Variants in CHD2 observed in about 807,000 individuals in gnomAD.
CHD2 encodes chromodomain helicase DNA binding protein 2, also known as ATP-dependent chromatin remodeler CHD2.
In CHD2, 28 loss-of-function variants were observed where a neutral mutation model predicts 243.9. The observed-to-expected ratio is 0.11, with a 90% CI of 0.09 to 0.16. The LOEUF (loss-of-function observed/expected upper bound fraction) is 0.16. Ranked by LOEUF, CHD2 falls within the 10% of genes least tolerant of loss-of-function variation. CHD2 has a pLI of 1.00. For synonymous variants in CHD2, 775 were observed against 779.0 expected, an observed-to-expected ratio of 0.99 and a Z score of 0.09; for missense variants, 1,386 against 2,209.8, an observed-to-expected ratio of 0.63 and a Z score of 7.47.
In CHD2 at chr15:93,022,925, C is replaced by T. The variant is rs1383782923; in HGVS notation, c.5154-1447C>T. Among the ~76,000 whole-genome samples, 2 of 152,166 alleles carry T rather than the reference C, an allele frequency of 1.3e-5. 1 individual carries two copies. Among genetic ancestry groups the T allele is most frequent in the African/African-American group, 4.8e-5 (2 of 41,434 alleles). ...AAACCACTGTTCTATGCATTTTGTC[C>T]CTTTTGGCTGTTTCAGGCAGGATGG... On this transcript the variant is annotated intron_variant, in intron 38 of 38. Coordinates refer to ENST00000394196, the MANE Select transcript of CHD2 (RefSeq NM_001271.4).
At chr15:92,962,760 GT>G (rs2141824612) in intron 16 of CHD2, among the ~76,000 whole-genome samples, 1 of 152,256 alleles carries the variant, frequency 6.6e-6, no homozygotes, top group South Asian at 2.1e-4. Context: ...TTTAACTGTA[GT>G]TGAGTTTTTG....
At chr15:92,901,330 C>G in intron 2 of CHD2, 31 bp downstream of exon 2, 3 of 1,422,658 alleles carry the variant, frequency 2.1e-6, no homozygotes, top group Non-Finnish European at 2.9e-6. Context: ...TCCTTTTTGT[C>G]TTTTTTTTTG....
intron 7 of CHD2, among the ~76,000 whole-genome samples, chr15:92,940,531 T>A (rs897952966): frequency 6.6e-6 from 1 of 151,992 alleles, no homozygotes; most frequent in African/African-American, 2.4e-5. Context: ...ATTTTTTTTT[T>A]TAGATTTTAC....
At chr15:92,936,134 GT>G (rs905010404) in intron 5 of CHD2, among the ~76,000 whole-genome samples, 1 of 152,066 alleles carries the variant, frequency 6.6e-6, no homozygotes, top group Non-Finnish European at 1.5e-5. Flanking sequence ...CTGAATTGTT[GT>G]TTTTTCCCCC....
At chr15:93,011,416 G>T (rs945482861) in intron 35 of CHD2, among the ~76,000 whole-genome samples, 2 of 152,192 alleles carry the variant, frequency 1.3e-5, no homozygotes, top group Admixed American at 1.3e-4. Context: ...GAGTTCTCAG[G>T]CTTCAGCAAA....
At chr15:92,984,633 G>A (rs1288760904) in intron 25 of CHD2, 133 bp downstream of exon 25, 2 of 751,162 alleles carry the variant, frequency 2.7e-6, no homozygotes, top group Non-Finnish European at 3.8e-6. Flanking sequence ...TGATACTGTA[G>A]GAAACTTAAC....
chr15:92,946,240 T>C (rs770180549), intron 12 of CHD2, 24 bp downstream of exon 12: 5 of 1,581,336 alleles, frequency 3.2e-6, no homozygotes, highest in Non-Finnish European at 4.3e-6. Flanking sequence ...TGGCTTTTGT[T>C]TTTTCAGGGA....
intron 16 of CHD2, among the ~76,000 whole-genome samples, chr15:92,964,182 G>A (rs991231115): frequency 4.6e-5 from 7 of 152,200 alleles, no homozygotes; most frequent in Non-Finnish European, 8.8e-5. Flanking sequence ...ATCAATTATG[G>A]AATGATAGGT....
In CHD2 at chr15:93,025,951, A is replaced by G. The variant is rs746047260; in HGVS notation, c.*1246A>G. On this transcript the variant is annotated 3_prime_UTR_variant, in exon 39 of 39. Transcript: ENST00000394196. ...TTGAATTCAGTTTCTCTTAGAATAT[A>G]ATCAGGTATAAACCTAAGTTAAACT... 2.0e-5 allele frequency: 3 copies of G among 152,578 alleles called. No individual in the cohort carries two copies. The highest frequency in any genetic ancestry group is 4.4e-5 in the Non-Finnish European group (3 of 68,048). 9.5% of individuals were successfully genotyped at this position (152,578 alleles called of 1,614,324 possible). A position where few individuals can be genotyped will look rare whatever the true frequency, so the allele number is the denominator to read the frequency against.
At chr15:92,918,635 C>T (rs1183865663) in intron 2 of CHD2, among the ~76,000 whole-genome samples, 1 of 151,940 alleles carries the variant, frequency 6.6e-6, no homozygotes, top group Non-Finnish European at 1.5e-5. Context: ...GGCTTTCTGC[C>T]TCCTCTACTA....
Position 92,977,026 on chromosome 15 carries a change from A to C in CHD2, c.2578-1208A>C, listed in dbSNP as rs557176111. ...TTTTTTAACCTTTTTCAACTTGATCATAGATGCAGACGACATATTATAATC... is the reference window on the plus strand; with the variant it reads ...TTTTTTAACCTTTTTCAACTTGATCCTAGATGCAGACGACATATTATAATC... On this transcript the variant is annotated intron_variant, in intron 20 of 38. Coordinates refer to ENST00000394196, the MANE Select transcript of CHD2 (RefSeq NM_001271.4). 9.2e-5 allele frequency among the ~76,000 whole-genome samples: 14 copies of C among 152,210 alleles called. No homozygotes were observed. In the South Asian group the frequency reaches 2.9e-3, roughly 32 times the overall value.
intron 19 of CHD2, chr15:92,974,062 A>C (rs1426544066): frequency 1.3e-5 from 2 of 152,188 alleles, no homozygotes; most frequent in African/African-American, 4.8e-5. Context: ...CCTTCTGTAA[A>C]ATGAAGTATT....
rs562867156 is a variant in CHD2 at position 92,971,361 on chromosome 15, AC to A, written c.2190-403del. ...CCATTTTGGAACATTTTAGATTTTC[AC>A]ATTTAGGATTCTCAGCCTTTGTGTA... On this transcript the variant is annotated intron_variant, in intron 17 of 38. Transcript: ENST00000394196. Among the ~76,000 whole-genome samples, 271 of 152,336 alleles carry A rather than the reference AC, an allele frequency of 1.8e-3. 1 individual carries two copies. Among genetic ancestry groups the A allele is most frequent in the African/African-American group, 6.2e-3 (256 of 41,576 alleles).
intron 2 of CHD2, among the ~76,000 whole-genome samples, chr15:92,906,019 G>A (rs1393445055): frequency 2.0e-5 from 3 of 152,138 alleles, no homozygotes; most frequent in Non-Finnish European, 4.4e-5. Context: ...TTTTTGAAGA[G>A]GATATGAACT....
At chr15:92,974,439 G>A (rs539788613) in intron 19 of CHD2, among the ~76,000 whole-genome samples, 2 of 152,260 alleles carry the variant, frequency 1.3e-5, no homozygotes, top group African/African-American at 4.8e-5. Flanking sequence ...TTTTTGGTTT[G>A]TGTGACACTT....
At chr15:92,940,533 A>G (rs1258518031) in intron 7 of CHD2, among the ~76,000 whole-genome samples, 1 of 150,854 alleles carries the variant, frequency 6.6e-6, no homozygotes, top group Non-Finnish European at 1.5e-5. Flanking sequence ...TTTTTTTTTT[A>G]GATTTTACAG....
At chr15:92,921,351 T>C (rs1334405989) in intron 2 of CHD2, 2 of 152,006 alleles carry the variant, frequency 1.3e-5, no homozygotes, top group Non-Finnish European at 2.9e-5. Flanking sequence ...AGAGGCCAGG[T>C]TTTATAGGGC....
At chr15:92,931,615 T>C (rs1467554613) in intron 5 of CHD2, among the ~76,000 whole-genome samples, 2 of 152,070 alleles carry the variant, frequency 1.3e-5, no homozygotes, top group Non-Finnish European at 2.9e-5. Flanking sequence ...CCTCAAGTTA[T>C]CCTCTCACCT....
At chr15:92,920,387 A>T (rs2052932423) in intron 2 of CHD2, among the ~76,000 whole-genome samples, 1 of 152,262 alleles carries the variant, frequency 6.6e-6, no homozygotes, top group African/African-American at 2.4e-5. Context: ...TGTACCGTTA[A>T]TAGGGGAATG....
Sources: gnomAD v4.1 joint callset for allele counts (sites outside exome capture counted in the v4.1 genomes callset) on GRCh38, gnomAD v4.1.1 for gene constraint, MANE v1.5 for transcripts, NCBI Gene and HGNC (gene_info 2026-07-23, HGNC 2026-07-21) for gene names.